The following PCID2 variants were observed in gnomAD, a reference collection of about 807,000 sequenced individuals.
PCID2 encodes PCI domain containing 2.
In PCID2, 41 loss-of-function variants were observed where a neutral mutation model predicts 61.3. The observed-to-expected ratio is 0.67, with a 90% CI of 0.52 to 0.87. The LOEUF is 0.87. PCID2 is among the 40% of genes least tolerant of loss of function. The probability of loss-of-function intolerance (pLI) is 0.00; values close to 1 mark genes in which losing one functional copy is unlikely to be tolerated. For missense variants in PCID2, 392 were observed against 493.4 expected (o/e 0.79, Z 1.95); for synonymous variants, 187 against 177.8 (o/e 1.05, Z -0.41).
the PCID2 span, among the ~76,000 whole-genome samples, chr13:113,165,691 C>T: frequency 2.0e-5 from 3 of 152,022 alleles, no homozygotes; most frequent in South Asian, 6.3e-4. Context: ...CCACCACGCC[C>T]GGCTGATTTT....
downstream of PCID2, among the ~76,000 whole-genome samples, chr13:113,175,991 C>T (rs1451463678): frequency 3.3e-5 from 5 of 152,234 alleles, no homozygotes; most frequent in South Asian, 2.1e-4. Context: ...GAGGCCCATT[C>T]GGGCCCCAGA....
chr13:113,165,296 A>G, the PCID2 span: 19 of 695,502 alleles, frequency 2.7e-5, no homozygotes, highest in South Asian at 2.8e-4. Flanking sequence ...TGCCGAGTTC[A>G]TAACTAATAC....
At chr13:113,184,305 G>A in intron 9 of PCID2, 41 bp downstream of exon 9, 1 of 1,549,162 alleles carries the variant, frequency 6.5e-7, no homozygotes, top group Non-Finnish European at 8.9e-7. Context: ...AGAATGCAAT[G>A]TCTTATTTAA....
chr13:113,171,481 G>A, the PCID2 span: 3 of 1,361,836 alleles, frequency 2.2e-6, no homozygotes, highest in South Asian at 1.2e-5. This position sits in a 1 kb window ranked among gnomAD's most constrained non-coding sequence, Gnocchi z 5.1. Flanking sequence ...GAGCCTGCGG[G>A]TCCTCCAGGG....
chr13:113,174,491 A>T (rs530387758), downstream of PCID2, among the ~76,000 whole-genome samples: 3 of 152,286 alleles, frequency 2.0e-5, no homozygotes, highest in East Asian at 5.8e-4. Flanking sequence ...GCTAGCTATG[A>T]TGACTGTTTT....
chr13:113,178,724 T>C (rs775274228), intron 13 of PCID2, among the ~76,000 whole-genome samples: 2 of 151,988 alleles, frequency 1.3e-5, no homozygotes, highest in African/African-American at 2.4e-5. Flanking sequence ...CCGAGGGGGG[T>C]TGGAGAATCG....
At chr13:113,180,547 G>A (rs891834013) in intron 10 of PCID2, among the ~76,000 whole-genome samples, 1 of 152,194 alleles carries the variant, frequency 6.6e-6, no homozygotes, top group East Asian at 1.9e-4. Context: ...GCATACGGAA[G>A]TAGCTTCCAG....
rs2037427245 is a variant in PCID2 at position 113,179,541 on chromosome 13, T to C, written c.986+376A>G. ...GAGGAAAGGAATGACGATCTCTGCA[T>C]CTGCCTTTGTGACAGGCAGAAGTGG... On this transcript the variant is annotated intron_variant, in intron 12 of 13. Transcript: ENST00000337344. The surrounding 1 kb of genome is among the most constrained non-coding windows in gnomAD (Gnocchi z 4.3). Among the ~76,000 whole-genome samples the C allele has an allele frequency of 2.0e-5, 3 of 152,196 alleles. No individual in the cohort carries two copies. The highest frequency in any genetic ancestry group is 7.2e-5 in the African/African-American group (3 of 41,452).
intron 9 of PCID2, chr13:113,183,854 G>C: frequency 1.0e-6 from 1 of 985,444 alleles, no homozygotes; most frequent in Non-Finnish European, 1.2e-6. Context: ...TTAAACAGGA[G>C]CTCTGTGGTA....
downstream of PCID2, among the ~76,000 whole-genome samples, chr13:113,177,236 C>T (rs1218917309): frequency 1.3e-5 from 2 of 152,202 alleles, no homozygotes; most frequent in Non-Finnish European, 2.9e-5. Context: ...CTCCCGGGTT[C>T]AAGCGATTCT....
At chr13:113,168,885 C>T in the PCID2 span, among the ~76,000 whole-genome samples, 4 of 152,112 alleles carry the variant, frequency 2.6e-5, no homozygotes, top group Non-Finnish European at 5.9e-5. Flanking sequence ...TGCACGACCA[C>T]ACACAGCTAA....
intron 3 of PCID2, among the ~76,000 whole-genome samples, 196 bp from the exon 4 acceptor site, chr13:113,197,439 A>T (rs893558444): frequency 1.3e-5 from 2 of 152,242 alleles, no homozygotes; most frequent in Non-Finnish European, 2.9e-5. Context: ...CTACTCTTTC[A>T]AGTCCCAGAA....
Position 113,200,480 on chromosome 13 carries a change from A to G in PCID2, c.73T>C (p.Cys25Arg), listed in dbSNP as rs1454325216. ...TGTTTAAAAGACACCAACTCTGCACAAGATGCTCCATCTCTGCTGTCGATG... is the reference window on the plus strand; with the variant it reads ...TGTTTAAAAGACACCAACTCTGCACGAGATGCTCCATCTCTGCTGTCGATG... The part of the protein sequence containing the change: ...EAIDSRDGAS[C>R]AELVSFKHPH... Residue 25 changes from cysteine to arginine, a missense_variant, in exon 2 of 14, where the codon TGT becomes CGT. Transcript: ENST00000337344. 3.7e-6 allele frequency: 6 copies of G among 1,613,584 alleles called. No homozygotes were observed. Among genetic ancestry groups the G allele is most frequent in the African/African-American group, 1.3e-5 (1 of 74,908 alleles).
At chr13:113,189,719 GA>G (rs34942283) in intron 7 of PCID2, among the ~76,000 whole-genome samples, 15 of 141,338 alleles carry the variant, frequency 1.1e-4, no homozygotes, top group East Asian at 2.0e-4. Context: ...TGAAGGAGAG[GA>G]AAAAAAAAAA....
chr13:113,196,885 G>A lies in PCID2; in HGVS notation c.266+293C>T, dbSNP rs112125882. The A allele has an allele frequency of 2.3e-4, 164 of 706,768 alleles. No individual in the cohort carries two copies. The African/African-American group carries it at 2.5e-3, about 11-fold the overall frequency. 43.8% of individuals were successfully genotyped at this position (706,768 alleles called of 1,614,324 possible). On this transcript the variant is annotated intron_variant, in intron 4 of 13. Coordinates refer to ENST00000337344, the MANE Select transcript of PCID2 (RefSeq NM_001127202.4). ...CACCAACAGGACTTAACCAGTCCCT[G>A]TAAATATACTTACTACCTTACTAAA...
chr13:113,176,368 C>T (rs550022492), downstream of PCID2, among the ~76,000 whole-genome samples: 2 of 130,300 alleles, frequency 1.5e-5, no homozygotes, highest in South Asian at 5.1e-4. Flanking sequence ...GAAGTCCTAG[C>T]CCCAGTGTGA....
chr13:113,185,583 A>T (rs552118641), intron 7 of PCID2, 23 bp from the exon 8 acceptor site: 1 of 1,482,118 alleles, frequency 6.7e-7, no homozygotes, highest in Non-Finnish European at 9.4e-7. Flanking sequence ...AATTTTTTTT[A>T]AGTTACATAG....
At chr13:113,194,618 C>T (rs2038869744) in intron 6 of PCID2, among the ~76,000 whole-genome samples, 1 of 152,196 alleles carries the variant, frequency 6.6e-6, no homozygotes, top group Non-Finnish European at 1.5e-5. Context: ...ATAATGGGGA[C>T]TTCCGTGGGT....
chr13:113,170,214 A>G, the PCID2 span, among the ~76,000 whole-genome samples: 4 of 151,200 alleles, frequency 2.6e-5, no homozygotes, highest in Non-Finnish European at 4.4e-5. Context: ...TAAGCAAACA[A>G]AAGCTTAGAC....
Sources: gnomAD v4.1 joint callset for allele counts (sites outside exome capture counted in the v4.1 genomes callset) on GRCh38, gnomAD v4.1.1 for gene constraint, Gnocchi (gnomAD v3.1) non-coding constraint, MANE v1.5 for transcripts, NCBI Gene and HGNC (gene_info 2026-07-23, HGNC 2026-07-21) for gene names.